The following ZXDC variants were observed in gnomAD, a reference collection of about 807,000 sequenced individuals.
ZXDC encodes the protein ZXD family zinc finger C, also known as zinc finger protein ZXDC.
A neutral mutation model predicts 63.6 loss-of-function variants in ZXDC; 58 were observed. The observed-to-expected ratio is 0.91, with a 90% confidence interval of 0.74 to 1.13. The LOEUF (loss-of-function observed/expected upper bound fraction) is 1.13, where lower values mean the gene tolerates loss of function less well. ZXDC is among the 50% of genes most tolerant of loss of function. The pLI is 0.00. For synonymous variants in ZXDC, 561 were observed against 496.1 expected, an observed-to-expected ratio of 1.13 and a Z score of -1.74; for missense variants, 1,133 against 1,148.9, an observed-to-expected ratio of 0.99 and a Z score of 0.20.
At chr3:126,444,550 TA>T (rs765530816) in intron 7 of ZXDC, among the ~76,000 whole-genome samples, 23 of 151,788 alleles carry the variant, frequency 1.5e-4, no homozygotes, top group African/African-American at 4.1e-4. Context: ...AAAATAATAA[TA>T]ATATGAAAAC....
chr3:126,466,453 G>T, intron 4 of ZXDC, 128 bp from the exon 5 acceptor site: 1 of 952,436 alleles, frequency 1.0e-6, no homozygotes, highest in Non-Finnish European at 1.6e-6. Context: ...CAAGGACAGA[G>T]ACCAAATATC....
Position 126,472,038 on chromosome 3 carries a change from A to T in ZXDC, c.1074T>A (p.Phe358Leu). 6.2e-7 allele frequency: 1 copy of T among 1,613,756 alleles called. No homozygotes were observed. Among genetic ancestry groups the T allele is most frequent in the Non-Finnish European group, 8.5e-7 (1 of 1,179,864 alleles). ...AGCCACAGCTGTCAGAGTCACAAAT[A>T]AATGGTCTTTCACCTTATAAAAGAA... ...HLRSHTGERP[F>L]ICDSDSCGWT... Residue 358 changes from phenylalanine (F) to leucine (L), a missense_variant, in exon 3 of 10, where the codon TTT becomes TTA. Coordinates refer to ENST00000389709, the MANE Select transcript of ZXDC (RefSeq NM_025112.5).
chr3:126,453,377 C>T (rs1325028223), intron 7 of ZXDC: 3 of 985,264 alleles, frequency 3.0e-6, no homozygotes, highest in Admixed American at 6.1e-5. Flanking sequence ...TTTTCTAAAT[C>T]TGAATAAGCT....
chr3:126,460,436 C>A (rs1229695443), intron 6 of ZXDC: 2 of 982,628 alleles, frequency 2.0e-6, no homozygotes, highest in African/African-American at 3.5e-5. Flanking sequence ...CAACGTCACA[C>A]AGCTAGCAAG....
At chr3:126,450,184 C>T (rs1325802486) in intron 7 of ZXDC, 4 of 381,238 alleles carry the variant, frequency 1.0e-5, no homozygotes, top group African/African-American at 4.2e-5. Context: ...AAAGGCCCCT[C>T]CACAGCTGCT....
Position 126,475,623 on chromosome 3 carries a change from C to A in ZXDC, c.243G>T (p.Val81=). Residue 81 remains valine, a synonymous_variant, in exon 1 of 10, where the codon GTG becomes GTT. Coordinates refer to ENST00000389709, the MANE Select transcript of ZXDC (RefSeq NM_025112.5). ...CCTCGGCGGCAGCGCCGCCGTGCGG[C>A]ACTTCCAGCAGCACCAAGAAAGAGT... The part of the protein sequence containing the change: ...DGDSFLVLLE[V]PHGGAAAEAA... 1 of 1,476,024 alleles carries A rather than the reference C, an allele frequency of 6.8e-7. No homozygotes were observed. Among genetic ancestry groups the A allele is most frequent in the Non-Finnish European group, 9.0e-7 (1 of 1,112,406 alleles). The allele number at this position is 1,476,024 out of a possible 1,614,324, so 91.4% of individuals were successfully genotyped here. A position where few individuals can be genotyped will look rare whatever the true frequency, so the allele number is the denominator to read the frequency against.
intron 7 of ZXDC, among the ~76,000 whole-genome samples, chr3:126,444,950 A>G (rs1933824542): frequency 6.6e-6 from 1 of 152,248 alleles, no homozygotes. Context: ...ATTTACTTGT[A>G]TTACTTTTAC....
chr3:126,459,886 C>T, intron 6 of ZXDC, 149 bp from the exon 7 acceptor site: 16 of 1,527,724 alleles, frequency 1.0e-5, no homozygotes, highest in Non-Finnish European at 1.4e-5. Context: ...GGGCCAAACG[C>T]TACATCCACT....
intron 7 of ZXDC, chr3:126,459,280 C>A: frequency 1.1e-5 from 11 of 985,406 alleles, no homozygotes; most frequent in Non-Finnish European, 1.3e-5. Flanking sequence ...CAGTGGCAGT[C>A]CCCAGGTCTC....
intron 4 of ZXDC, among the ~76,000 whole-genome samples, chr3:126,468,186 G>T (rs1391176304): frequency 3.5e-4 from 53 of 151,910 alleles, no homozygotes; most frequent in Non-Finnish European, 5.9e-5. Flanking sequence ...GGACGGCCAG[G>T]CAAGCACAAG....
chr3:126,463,778 T>C (rs150364661), intron 5 of ZXDC, among the ~76,000 whole-genome samples: 7 of 152,352 alleles, frequency 4.6e-5, no homozygotes, highest in African/African-American at 9.6e-5. Flanking sequence ...CCCAAGCTCA[T>C]ACCTGCAGGC....
chr3:126,441,060 T>C, intron 8 of ZXDC: 1 of 985,596 alleles, frequency 1.0e-6, no homozygotes, highest in South Asian at 4.7e-5. Flanking sequence ...CCGGCTTGTA[T>C]ATCTCTTCTC....
At position 126,475,169 on chromosome 3, in the gene ZXDC, C is replaced by A. The variant is rs764563257; in HGVS notation, c.697G>T (p.Asp233Tyr). 11 of 1,602,108 alleles carry A rather than the reference C, an allele frequency of 6.9e-6. No individual in the cohort carries two copies. The South Asian group carries it at 1.2e-4, about 18-fold the overall frequency. Reference protein sequence around the residue: ...YKLKRHLQSHDKLRPFGCPVG... With the variant: ...YKLKRHLQSHYKLRPFGCPVG... ...GGACAGCCGAAGGGCCGCAGCTTGT[C>A]GTGCGACTGCAGGTGCCGCTTGAGC... The change falls in exon 1 of 10, where the codon GAC becomes TAC. Residue 233 changes from aspartate to tyrosine, a missense_variant. Physicochemically the swap from Asp to Tyr is radical, Grantham distance 160. Transcript: ENST00000389709.
chr3:126,442,914 G>A (rs1440142169), intron 7 of ZXDC: 1 of 152,256 alleles, frequency 6.6e-6, no homozygotes, highest in East Asian at 1.9e-4. Flanking sequence ...TGTTTGACAG[G>A]AAGGTTCTGA....
chr3:126,459,878 G>T, intron 6 of ZXDC, 141 bp from the exon 7 acceptor site: 2 of 1,541,656 alleles, frequency 1.3e-6, no homozygotes, highest in Non-Finnish European at 1.7e-6. Context: ...CACACAAAGG[G>T]CCAAACGCTA....
intron 7 of ZXDC, chr3:126,451,492 G>A (rs1245267249): frequency 9.1e-6 from 9 of 985,298 alleles, no homozygotes; most frequent in Non-Finnish European, 1.1e-5. Context: ...TGAATATTAT[G>A]CATATTTTTT....
chr3:126,462,454 C>T (rs901042452), intron 5 of ZXDC, among the ~76,000 whole-genome samples: 2 of 152,138 alleles, frequency 1.3e-5, no homozygotes, highest in African/African-American at 4.8e-5. Flanking sequence ...ACTTTACGTA[C>T]GCGTCTTGGA....
intron 8 of ZXDC, chr3:126,441,207 T>C: frequency 1.0e-6 from 1 of 985,788 alleles, no homozygotes; most frequent in African/African-American, 1.7e-5. Context: ...TGCAGGTATC[T>C]GTGGCCCGGA....
intron 1 of ZXDC, among the ~76,000 whole-genome samples, chr3:126,473,687 G>A (rs1299040856): frequency 6.6e-6 from 1 of 152,190 alleles, no homozygotes; most frequent in Non-Finnish European, 1.5e-5. Flanking sequence ...AGGCATATGC[G>A]AGGGAAAAAA....
Sources: gnomAD v4.1 joint callset for allele counts (sites outside exome capture counted in the v4.1 genomes callset) on GRCh38, gnomAD v4.1.1 for gene constraint, MANE v1.5 for transcripts, NCBI Gene and HGNC (gene_info 2026-07-23, HGNC 2026-07-21) for gene names.